Variants in DLC1 observed in about 807,000 individuals in gnomAD.
DLC1 encodes rho GTPase-activating protein 7.
A neutral mutation model predicts 140.3 loss-of-function variants in DLC1; 54 were observed. The observed-to-expected ratio is 0.38, with a 90% CI of 0.31 to 0.48. The LOEUF is 0.48. Ranked by LOEUF, DLC1 falls within the 20% of genes least tolerant of loss-of-function variation. DLC1 has a pLI of 0.96. For missense variants in DLC1, 2,536 were observed against 1,907.0 expected (o/e 1.33, Z -6.14); for synonymous variants, 986 against 728.1 (o/e 1.35, Z -5.70).
At chr8:13,365,337 C>T (rs1238363129) in intron 4 of DLC1, among the ~76,000 whole-genome samples, 1 of 152,128 alleles carries the variant, frequency 6.6e-6, no homozygotes, top group Non-Finnish European at 1.5e-5. Context: ...GCACGTGGAG[C>T]TGATCCACGC....
intron 5 of DLC1, among the ~76,000 whole-genome samples, chr8:13,216,625 A>G (rs951017135): frequency 6.6e-6 from 1 of 151,664 alleles, no homozygotes; most frequent in Non-Finnish European, 1.5e-5. Flanking sequence ...GCATGCAATC[A>G]CCTCCTCTTT....
At chr8:13,539,907 G>A (rs62492085) in intron 1 of DLC1, among the ~76,000 whole-genome samples, 1 of 151,958 alleles carries the variant, frequency 6.6e-6, no homozygotes, top group Non-Finnish European at 1.5e-5. Context: ...CTTTTCTTGA[G>A]CAATTCTAGA....
intron 5 of DLC1, among the ~76,000 whole-genome samples, chr8:13,128,751 C>T (rs1419511137): frequency 6.6e-6 from 1 of 151,544 alleles, no homozygotes; most frequent in South Asian, 2.1e-4. Context: ...AGGAGAATGG[C>T]GTGAACCCGG....
intron 2 of DLC1, among the ~76,000 whole-genome samples, chr8:13,491,083 C>CATTCAGATTTAAT (rs1217870734): frequency 4.8e-5 from 7 of 147,012 alleles, no homozygotes; most frequent in Non-Finnish European, 1.0e-4. Context: ...TGAATATATA[C>CATTCAGATTTAAT]ATATTCAAAT....
intron 5 of DLC1, among the ~76,000 whole-genome samples, chr8:13,270,622 C>G (rs1830892293): frequency 6.6e-6 from 1 of 152,194 alleles, no homozygotes; most frequent in Non-Finnish European, 1.5e-5. Context: ...CCAGTCATTT[C>G]CTTTTGGAGT....
At chr8:13,130,597 A>C (rs1464751474) in intron 5 of DLC1, among the ~76,000 whole-genome samples, 3 of 152,244 alleles carry the variant, frequency 2.0e-5, no homozygotes, top group Non-Finnish European at 4.4e-5. Flanking sequence ...TTTCCAGTGC[A>C]TTAAAATTTG....
At chr8:13,476,470 G>GTT (rs10671750) in intron 2 of DLC1, among the ~76,000 whole-genome samples, 5 of 150,816 alleles carry the variant, frequency 3.3e-5, no homozygotes, top group African/African-American at 1.2e-4. Context: ...ACAGTGCAGT[G>GTT]TTTTTTTTTT....
intron 5 of DLC1, among the ~76,000 whole-genome samples, chr8:13,267,021 C>T (rs969065926): frequency 2.6e-5 from 4 of 152,208 alleles, no homozygotes; most frequent in Non-Finnish European, 2.9e-5. Context: ...CCACGAGCTA[C>T]ACATGAGTTG....
intron 5 of DLC1, among the ~76,000 whole-genome samples, chr8:13,210,817 A>G (rs1278469047): frequency 1.3e-5 from 2 of 152,196 alleles, no homozygotes; most frequent in Non-Finnish European, 2.9e-5. Context: ...AACCAAATAC[A>G]GCATTTGCTA....
intron 5 of DLC1, among the ~76,000 whole-genome samples, chr8:13,242,703 G>A (rs1314974343): frequency 6.6e-6 from 1 of 152,126 alleles, no homozygotes; most frequent in African/African-American, 2.4e-5. Context: ...TCCTCAATAG[G>A]TTTACACAGG....
chr8:13,161,038 GC>G (rs1357932708), intron 5 of DLC1, among the ~76,000 whole-genome samples: 1 of 152,160 alleles, frequency 6.6e-6, no homozygotes, highest in African/African-American at 2.4e-5. Flanking sequence ...CCGAGATCGC[GC>G]CACTGCTCTC....
chr8:13,125,416 C>T (rs929384966), intron 5 of DLC1, among the ~76,000 whole-genome samples: 1 of 152,248 alleles, frequency 6.6e-6, no homozygotes, highest in African/African-American at 2.4e-5. Context: ...GAAGAAAACA[C>T]TTCAATGCAT....
chr8:13,509,997 G>A (rs983436498), intron 1 of DLC1, among the ~76,000 whole-genome samples: 1 of 152,112 alleles, frequency 6.6e-6, no homozygotes, highest in African/African-American at 2.4e-5. Flanking sequence ...AAAGTGACTT[G>A]ATCATGATGA....
intron 5 of DLC1, among the ~76,000 whole-genome samples, chr8:13,178,311 C>G (rs1825858586): frequency 6.6e-6 from 1 of 152,020 alleles, no homozygotes; most frequent in African/African-American, 2.4e-5. Flanking sequence ...GCCTGTAATC[C>G]CAGCATTTCG....
At chr8:13,294,358 G>A (rs142252258) in intron 5 of DLC1, among the ~76,000 whole-genome samples, 2 of 152,274 alleles carry the variant, frequency 1.3e-5, no homozygotes, top group East Asian at 3.9e-4. Flanking sequence ...TAAATGGAAC[G>A]CTCAGAAGAC....
intron 4 of DLC1, among the ~76,000 whole-genome samples, chr8:13,322,095 T>G (rs1303951044): frequency 6.6e-6 from 1 of 152,144 alleles, no homozygotes; most frequent in Non-Finnish European, 1.5e-5. Flanking sequence ...ACATGTACTT[T>G]TAAGAACTGT....
intron 5 of DLC1, among the ~76,000 whole-genome samples, chr8:13,148,658 GT>G (rs1490136083): frequency 6.6e-6 from 1 of 151,416 alleles, no homozygotes; most frequent in Non-Finnish European, 1.5e-5. Flanking sequence ...TGAGAGGGTT[GT>G]TTTTGTTGTT....
At chr8:13,603,854 G>A (rs1805965017) in intron 1 of DLC1, among the ~76,000 whole-genome samples, 1 of 152,004 alleles carries the variant, frequency 6.6e-6, no homozygotes, top group African/African-American at 2.4e-5. Flanking sequence ...TGATTAAGCG[G>A]CTCTGAATTT....
intron 5 of DLC1, among the ~76,000 whole-genome samples, chr8:13,177,326 T>C (rs1023208773): frequency 3.3e-5 from 5 of 152,216 alleles, no homozygotes; most frequent in African/African-American, 9.6e-5. Context: ...AAGCTAGATA[T>C]TAATGATATG....
Sources: gnomAD v4.1 joint callset for allele counts (sites outside exome capture counted in the v4.1 genomes callset) on GRCh38, gnomAD v4.1.1 for gene constraint, MANE v1.5 for transcripts, NCBI Gene and HGNC (gene_info 2026-07-23, HGNC 2026-07-21) for gene names.